The following CADM2 variants were observed in gnomAD, a reference collection of about 807,000 sequenced individuals.
CADM2 encodes cell adhesion molecule 2.
A neutral mutation model predicts 49.8 loss-of-function variants in CADM2; 12 were observed. That is an observed-to-expected ratio of 0.24 (90% CI 0.15 to 0.39). The LOEUF is 0.39. Ranked by LOEUF, CADM2 falls within the 10% of genes least tolerant of loss-of-function variation. CADM2 has a pLI of 1.00. For missense variants in CADM2, 378 were observed against 492.3 expected, an observed-to-expected ratio of 0.77 and a Z score of 2.20; for synonymous variants, 214 against 175.4, an observed-to-expected ratio of 1.22 and a Z score of -1.74.
chr3:85,619,369 T>TG (rs1325612972), intron 1 of CADM2, among the ~76,000 whole-genome samples: 8 of 149,404 alleles, frequency 5.4e-5, no homozygotes, highest in Admixed American at 4.7e-4. Context: ...AAAAAGGAAA[T>TG]GGGGGGACAG....
chr3:85,798,640 G>C (rs909281007), intron 2 of CADM2, among the ~76,000 whole-genome samples: 2 of 152,048 alleles, frequency 1.3e-5, no homozygotes, highest in Admixed American at 6.6e-5. Context: ...TTCTGTTTTG[G>C]TGCCAGTACC....
intron 2 of CADM2, among the ~76,000 whole-genome samples, chr3:85,728,966 G>C (rs2067821564): frequency 6.6e-6 from 1 of 152,048 alleles, no homozygotes; most frequent in Non-Finnish European, 1.5e-5. Context: ...ACCAGTATAG[G>C]AGGGCAGTAG....
chr3:85,348,896 C>T (rs2107228779), intron 1 of CADM2, among the ~76,000 whole-genome samples: 1 of 151,970 alleles, frequency 6.6e-6, no homozygotes, highest in South Asian at 2.1e-4. Context: ...TTTATTTTTT[C>T]ATATGGTCTT....
At chr3:85,680,596 G>A (rs940739568) in intron 1 of CADM2, among the ~76,000 whole-genome samples, 7 of 152,100 alleles carry the variant, frequency 4.6e-5, no homozygotes, top group African/African-American at 1.4e-4. Context: ...AAGCCCAACT[G>A]TGTCATACAC....
At chr3:85,455,048 G>A (rs1197091305) in intron 1 of CADM2, among the ~76,000 whole-genome samples, 1 of 152,170 alleles carries the variant, frequency 6.6e-6, no homozygotes, top group Non-Finnish European at 1.5e-5. Context: ...CTATGCTGTG[G>A]TCAGCCCATA....
intron 1 of CADM2, among the ~76,000 whole-genome samples, chr3:85,038,150 T>G (rs2035296089): frequency 2.0e-5 from 3 of 152,136 alleles, no homozygotes; most frequent in South Asian, 4.1e-4. Flanking sequence ...TTTTGAAAAT[T>G]CAGTTCAATT....
At chr3:85,585,838 T>C (rs1397478821) in intron 1 of CADM2, among the ~76,000 whole-genome samples, 1 of 152,020 alleles carries the variant, frequency 6.6e-6, no homozygotes, top group African/African-American at 2.4e-5. Context: ...GATCTTATAA[T>C]ACAGGGGAAA....
intron 1 of CADM2, among the ~76,000 whole-genome samples, chr3:85,550,170 C>T (rs893555355): frequency 1.3e-5 from 2 of 152,088 alleles, no homozygotes; most frequent in African/African-American, 4.8e-5. Flanking sequence ...GCATTCTGCC[C>T]CTGCGTTTCT....
chr3:85,896,048 T>C (rs774187574), intron 5 of CADM2, among the ~76,000 whole-genome samples: 1 of 152,186 alleles, frequency 6.6e-6, no homozygotes, highest in Non-Finnish European at 1.5e-5. Flanking sequence ...CCCAGCCCTT[T>C]GTGGGGCTGA....
chr3:85,286,797 T>C (rs1436018852), intron 1 of CADM2, among the ~76,000 whole-genome samples: 3 of 152,118 alleles, frequency 2.0e-5, no homozygotes, highest in South Asian at 4.1e-4. Context: ...ATTAAATGTA[T>C]TTCCATTTTG....
intron 1 of CADM2, among the ~76,000 whole-genome samples, chr3:85,064,616 T>G (rs1169303999): frequency 1.3e-5 from 2 of 152,066 alleles, no homozygotes; most frequent in Non-Finnish European, 2.9e-5. Flanking sequence ...ATTTTGTTCA[T>G]AGAGAAGAAG....
intron 1 of CADM2, among the ~76,000 whole-genome samples, chr3:85,468,808 A>G (rs2107604848): frequency 6.6e-6 from 1 of 152,292 alleles, no homozygotes; most frequent in African/African-American, 2.4e-5. Flanking sequence ...TAAAAGTTAA[A>G]GTGAGATGTG....
At chr3:85,281,674 T>A (rs1373637151) in intron 1 of CADM2, among the ~76,000 whole-genome samples, 1 of 152,116 alleles carries the variant, frequency 6.6e-6, no homozygotes, top group Non-Finnish European at 1.5e-5. Flanking sequence ...AACATTTTAA[T>A]CATGTTGCAT....
At chr3:85,978,242 G>A (rs1727035942) in intron 8 of CADM2, among the ~76,000 whole-genome samples, 1 of 151,538 alleles carries the variant, frequency 6.6e-6, no homozygotes. Flanking sequence ...TGTTCTCTGT[G>A]CTGCTCTTCA....
chr3:85,943,535 G>A (rs1405394756), intron 7 of CADM2, among the ~76,000 whole-genome samples: 4 of 150,908 alleles, frequency 2.7e-5, no homozygotes, highest in East Asian at 2.0e-4. Context: ...AAGGGATCCA[G>A]TTTCAGCTTT....
chr3:85,238,123 T>C (rs1189458980), intron 1 of CADM2, among the ~76,000 whole-genome samples: 2 of 151,948 alleles, frequency 1.3e-5, no homozygotes, highest in Non-Finnish European at 2.9e-5. Context: ...TGAAGAACTA[T>C]GGCTATTTTT....
chr3:84,975,120 G>T (rs1006825033), intron 1 of CADM2, among the ~76,000 whole-genome samples: 1 of 151,698 alleles, frequency 6.6e-6, no homozygotes, highest in African/African-American at 2.4e-5. Context: ...CCTCAATTAG[G>T]CTGTCTGTTA....
chr3:85,094,784 T>C (rs1338452413), intron 1 of CADM2, among the ~76,000 whole-genome samples: 5 of 152,256 alleles, frequency 3.3e-5, no homozygotes, highest in South Asian at 2.1e-4. Context: ...GATAACACTA[T>C]CCCTAGTGGT....
intron 8 of CADM2, among the ~76,000 whole-genome samples, chr3:85,966,371 C>A (rs1725473613): frequency 6.6e-6 from 1 of 151,526 alleles, no homozygotes; most frequent in South Asian, 2.1e-4. Context: ...CTTTCCTTTT[C>A]AAATTTATTT....
Sources: gnomAD v4.1 joint callset for allele counts (sites outside exome capture counted in the v4.1 genomes callset) on GRCh38, gnomAD v4.1.1 for gene constraint, MANE v1.5 for transcripts, NCBI Gene and HGNC (gene_info 2026-07-23, HGNC 2026-07-21) for gene names.